Variants in EHBP1 observed in about 807,000 individuals in gnomAD.
EHBP1 encodes the protein EH domain binding protein 1, also known as EH domain-binding protein 1.
In EHBP1, 55 loss-of-function variants were observed where a neutral mutation model predicts 144.0. The observed-to-expected ratio is 0.38, with a 90% CI of 0.31 to 0.48. EHBP1 has a LOEUF of 0.48. EHBP1 is among the 20% of genes least tolerant of loss of function. The pLI is 0.98. For missense variants in EHBP1, 1,200 were observed against 1,364.2 expected (o/e 0.88, Z 1.90); for synonymous variants, 469 against 472.7 (o/e 0.99, Z 0.10).
At chr2:62,736,320 G>C (rs142358068) in intron 2 of EHBP1, among the ~76,000 whole-genome samples, 2,940 of 146,606 alleles carry the variant, frequency 0.02, 48 homozygotes, top group Non-Finnish European at 0.031. Context: ...TCTGCCTCCT[G>C]GGTTCAAGGA....
intron 5 of EHBP1, among the ~76,000 whole-genome samples, chr2:62,783,475 C>T (rs2042587127): frequency 6.6e-6 from 1 of 152,388 alleles, no homozygotes; most frequent in South Asian, 2.1e-4. Flanking sequence ...TCTATCTGGA[C>T]ATCCAGGCCT....
intron 5 of EHBP1, among the ~76,000 whole-genome samples, chr2:62,807,619 T>C (rs1486185607): frequency 1.3e-5 from 2 of 152,226 alleles, no homozygotes; most frequent in Admixed American, 1.3e-4. Flanking sequence ...TTCCTTTCTT[T>C]ACATAGATTT....
At chr2:62,676,734 C>T (rs879428496) in intron 1 of EHBP1, among the ~76,000 whole-genome samples, 14 of 152,022 alleles carry the variant, frequency 9.2e-5, no homozygotes, top group Non-Finnish European at 1.9e-4. Context: ...GGGCCTTCGC[C>T]GGTCAGTGGA....
intron 6 of EHBP1, among the ~76,000 whole-genome samples, chr2:62,829,506 A>C (rs2046623662): frequency 6.7e-6 from 1 of 150,170 alleles, no homozygotes; most frequent in Admixed American, 6.7e-5. Context: ...ATGGTCTCCA[A>C]CTCCATCCAG....
intron 2 of EHBP1, among the ~76,000 whole-genome samples, chr2:62,711,587 T>C (rs2035151128): frequency 6.6e-6 from 1 of 152,118 alleles, no homozygotes; most frequent in African/African-American, 2.4e-5. Context: ...GTTATAATCA[T>C]GGGGCGATAG....
At chr2:62,831,896 C>G (rs982423252) in intron 7 of EHBP1, among the ~76,000 whole-genome samples, 2 of 152,092 alleles carry the variant, frequency 1.3e-5, no homozygotes, top group Non-Finnish European at 2.9e-5. Context: ...TGTTACTCAT[C>G]TTTTGGTTCT....
chr2:62,745,124 A>G (rs912574299), intron 2 of EHBP1, among the ~76,000 whole-genome samples: 1 of 152,098 alleles, frequency 6.6e-6, no homozygotes, highest in Non-Finnish European at 1.5e-5. Flanking sequence ...ATTATAATTA[A>G]CCAATTGGGA....
At chr2:62,935,050 C>A (rs547173096) in intron 10 of EHBP1, among the ~76,000 whole-genome samples, 1 of 152,110 alleles carries the variant, frequency 6.6e-6, no homozygotes, top group African/African-American at 2.4e-5. Flanking sequence ...TCCATCTTGG[C>A]CGGGCACGGT....
At chr2:62,690,763 G>A (rs952534107) in intron 1 of EHBP1, among the ~76,000 whole-genome samples, 5 of 152,160 alleles carry the variant, frequency 3.3e-5, no homozygotes, top group Admixed American at 2.0e-4. Context: ...TCAAGGTCAG[G>A]AAACTGAGAC....
chr2:62,867,347 T>C (rs1040899761), intron 9 of EHBP1, among the ~76,000 whole-genome samples: 3 of 152,148 alleles, frequency 2.0e-5, no homozygotes, highest in African/African-American at 7.2e-5. Flanking sequence ...AAGGAATCTT[T>C]AAAATGGGTA....
intron 1 of EHBP1, among the ~76,000 whole-genome samples, chr2:62,678,182 G>A (rs549317223): frequency 6.6e-6 from 1 of 152,198 alleles, no homozygotes; most frequent in Non-Finnish European, 1.5e-5. Flanking sequence ...TTTAACTGGT[G>A]TAAGATTATG....
intron 1 of EHBP1, among the ~76,000 whole-genome samples, chr2:62,689,716 G>T (rs992911711): frequency 3.9e-5 from 6 of 152,230 alleles, no homozygotes; most frequent in South Asian, 2.1e-4. Flanking sequence ...TCATTAACAA[G>T]AATCCAAATC....
intron 10 of EHBP1, among the ~76,000 whole-genome samples, chr2:62,884,022 A>C (rs574162862): frequency 9.2e-5 from 14 of 152,308 alleles, no homozygotes; most frequent in Admixed American, 7.2e-4. Context: ...TAAGTAAAAA[A>C]AGTGCATAAC....
intron 10 of EHBP1, among the ~76,000 whole-genome samples, chr2:62,930,275 A>T (rs957562626): frequency 1.3e-5 from 2 of 152,104 alleles, no homozygotes; most frequent in Non-Finnish European, 2.9e-5. Flanking sequence ...AAAAACAAAA[A>T]CAGTAGCATC....
chr2:62,782,271 A>G (rs1024745905), intron 5 of EHBP1, among the ~76,000 whole-genome samples: 1 of 152,252 alleles, frequency 6.6e-6, no homozygotes, highest in African/African-American at 2.4e-5. Flanking sequence ...GTAAATGTAT[A>G]ATGATAGCTG....
At chr2:62,805,095 T>C (rs1180840236) in intron 5 of EHBP1, among the ~76,000 whole-genome samples, 1 of 152,170 alleles carries the variant, frequency 6.6e-6, no homozygotes, top group Non-Finnish European at 1.5e-5. Flanking sequence ...TTGGATCCAT[T>C]TATTTGACCA....
At chr2:62,858,702 A>G (rs1002399989) in intron 7 of EHBP1, among the ~76,000 whole-genome samples, 1 of 152,222 alleles carries the variant, frequency 6.6e-6, no homozygotes, top group Non-Finnish European at 1.5e-5. Flanking sequence ...AAGTCATGTC[A>G]GGATCCTTGA....
At chr2:62,744,209 T>C (rs978365813) in intron 2 of EHBP1, among the ~76,000 whole-genome samples, 60 of 152,232 alleles carry the variant, frequency 3.9e-4, no homozygotes, top group African/African-American at 1.4e-3. Flanking sequence ...GGTTACCTAC[T>C]AACTAAACTG....
intron 12 of EHBP1, among the ~76,000 whole-genome samples, chr2:62,944,109 T>C (rs2056929405): frequency 3.9e-5 from 6 of 152,230 alleles, no homozygotes; most frequent in Non-Finnish European, 8.8e-5. Flanking sequence ...TAAAGCATAG[T>C]GCTTTTTTTC....
Sources: gnomAD v4.1 joint callset for allele counts (sites outside exome capture counted in the v4.1 genomes callset) on GRCh38, gnomAD v4.1.1 for gene constraint, MANE v1.5 for transcripts, NCBI Gene and HGNC (gene_info 2026-07-23, HGNC 2026-07-21) for gene names.